Variants in RASGRP1 observed in about 807,000 individuals in gnomAD.
RASGRP1 encodes RAS guanyl releasing protein 1.
A neutral mutation model predicts 95.1 loss-of-function variants in RASGRP1; 37 were observed. That is an observed-to-expected ratio of 0.39 (90% CI 0.30 to 0.51). The LOEUF is 0.51. Among genes scored for constraint, RASGRP1 ranks in the 20% least tolerant of loss-of-function variants. The pLI, the probability that RASGRP1 is intolerant of heterozygous loss-of-function variation, is 0.80. For synonymous variants in RASGRP1, 325 were observed against 353.4 expected, an observed-to-expected ratio of 0.92 and a Z score of 0.90; for missense variants, 711 against 965.4, an observed-to-expected ratio of 0.74 and a Z score of 3.49.
chr15:38,497,805 G>A (rs145044601), intron 15 of RASGRP1, among the ~76,000 whole-genome samples: 3 of 152,274 alleles, frequency 2.0e-5, no homozygotes, highest in African/African-American at 7.2e-5. Flanking sequence ...GCATTTTAAT[G>A]TAAGTGAATT....
intron 1 of RASGRP1, 48 bp downstream of exon 1, chr15:38,564,546 C>A (rs1480329779): frequency 2.4e-5 from 32 of 1,331,632 alleles, no homozygotes; most frequent in Middle Eastern, 4.1e-4. Flanking sequence ...GCCTCTTTCC[C>A]AAGAAAGGAC....
At chr15:38,564,534 G>A (rs1566942548) in intron 1 of RASGRP1, 60 bp downstream of exon 1, 4 of 1,309,898 alleles carry the variant, frequency 3.1e-6, no homozygotes, top group South Asian at 2.4e-5. Context: ...CGACGGGCAG[G>A]GGCCTCTTTC....
chr15:38,503,138 C>T lies in RASGRP1; in HGVS notation c.1428+134G>A, dbSNP rs184499639. On this transcript the variant is annotated intron_variant, in intron 11 of 16. Coordinates refer to ENST00000310803, the MANE Select transcript of RASGRP1 (RefSeq NM_005739.4). ...TAACTTTTGAATTGTTCTAAAGCCA[C>T]AGTAAGAGAAGTAAGTGGTTCAAGT... The T allele has an allele frequency of 1.4e-4, 95 of 694,388 alleles. 2 individuals are homozygous for T. The East Asian group carries it at 2.5e-3, about 18-fold the overall frequency. The allele number at this position is 694,388 out of a possible 1,614,324, so 43.0% of individuals were successfully genotyped here.
At position 38,525,241 on chromosome 15, in the gene RASGRP1, T is replaced by G. The variant is rs143074681; in HGVS notation, c.326+1058A>C. Among the ~76,000 whole-genome samples, 6 of 152,310 alleles carry G rather than the reference T, an allele frequency of 3.9e-5. No homozygotes were observed. In the East Asian group the frequency reaches 1.2e-3, roughly 29 times the overall value. ...CTTTGGCCTTCCAAAGTGCTGGGAT[T>G]ACAGATGTGAGCTACTGTGCCCAGA... is the stretch of plus-strand genomic sequence containing the variant. On this transcript the variant is annotated intron_variant, in intron 3 of 16. Transcript: ENST00000310803.
rs117636385 is a variant in RASGRP1, at chr15:38,549,942, G to C, written c.220+9879C>G. Among the ~76,000 whole-genome samples the C allele has an allele frequency of 7.1e-3, 1,077 of 152,138 alleles. 7 individuals carry two copies. The highest frequency in any genetic ancestry group is 9.7e-3 in the Non-Finnish European group (662 of 68,008). ...GTGCTTCTGCTACGTATCTCACCCA[G>C]TTGCTAACTTAATATTCCCTTAGAA... is the stretch of plus-strand genomic sequence containing the variant. On this transcript the variant is annotated intron_variant, in intron 2 of 16. Coordinates refer to ENST00000310803, the MANE Select transcript of RASGRP1 (RefSeq NM_005739.4).
chr15:38,494,771 T>C lies in RASGRP1; in HGVS notation c.1874-4A>G. ...GTAAAAGGTCCTTCCTCAGGTGCTG[T>C]AGGAAGATACAGGACATGCTAGTAC... On this transcript the variant is annotated splice_polypyrimidine_tract_variant and splice_region_variant and intron_variant, in intron 15 of 16. Transcript: ENST00000310803. The C allele has an allele frequency of 1.3e-6, 2 of 1,489,578 alleles. No individual in the cohort carries two copies. Among genetic ancestry groups the C allele is most frequent in the Non-Finnish European group, 1.8e-6 (2 of 1,124,048 alleles). 92.3% of individuals were successfully genotyped at this position (1,489,578 alleles called of 1,614,324 possible).
chr15:38,506,536 G>A (rs572262586), intron 9 of RASGRP1, among the ~76,000 whole-genome samples: 1 of 151,246 alleles, frequency 6.6e-6, no homozygotes. Context: ...TCAGGAGGCT[G>A]AGGTGGGAGG....
chr15:38,558,941 T>C (rs1893689620), intron 2 of RASGRP1, among the ~76,000 whole-genome samples: 1 of 151,962 alleles, frequency 6.6e-6, no homozygotes, highest in Non-Finnish European at 1.5e-5. Context: ...TGGGGTAGGC[T>C]TGGGGGGGTT....
At chr15:38,514,105 A>C (rs1489959958) in intron 6 of RASGRP1, among the ~76,000 whole-genome samples, 2 of 146,134 alleles carry the variant, frequency 1.4e-5, no homozygotes, top group African/African-American at 2.5e-5. Flanking sequence ...AGCCACTGAG[A>C]TTGTACAGGA....
chr15:38,522,121 C>T (rs995481694), intron 3 of RASGRP1, among the ~76,000 whole-genome samples: 1 of 152,162 alleles, frequency 6.6e-6, no homozygotes, highest in Non-Finnish European at 1.5e-5. Flanking sequence ...AAACTAAGTT[C>T]TAGATACAAA....
chr15:38,520,566 C>T (rs1891962313), intron 3 of RASGRP1, among the ~76,000 whole-genome samples: 1 of 152,122 alleles, frequency 6.6e-6, no homozygotes, highest in Admixed American at 6.5e-5. Context: ...AAGTGCTTTA[C>T]ACTTGTGGTT....
chr15:38,502,320 G>T lies in RASGRP1; in HGVS notation c.1530C>A (p.Asp510Glu). Residue 510 changes from aspartate to glutamate, a missense_variant, in exon 12 of 17, where the codon GAC becomes GAA. By Grantham distance (45) the Asp-to-Glu change is conservative. Transcript: ENST00000310803. ...TAAGTACAAACCCTCACCTGTCTTT[G>T]TCCATCACACAGAAGGAAAATGGAA... Reference protein sequence around the residue: ...ASFPFSFCVMDKDREGLISRD... With the variant: ...ASFPFSFCVMEKDREGLISRD... The T allele has an allele frequency of 6.3e-7, 1 of 1,576,036 alleles. No individual in the cohort carries two copies. The highest frequency in any genetic ancestry group is 8.7e-7 in the Non-Finnish European group (1 of 1,145,726).
At chr15:38,544,344 A>G (rs1188042368) in intron 2 of RASGRP1, among the ~76,000 whole-genome samples, 1 of 152,188 alleles carries the variant, frequency 6.6e-6, no homozygotes, top group Non-Finnish European at 1.5e-5. Context: ...GCCACTCCAC[A>G]AATGCCAGCC....
At chr15:38,560,868 C>T (rs932944291) in intron 1 of RASGRP1, among the ~76,000 whole-genome samples, 2 of 152,176 alleles carry the variant, frequency 1.3e-5, no homozygotes, top group Admixed American at 1.3e-4. Flanking sequence ...GTCCAATGGA[C>T]TTTCATCTAC....
intron 2 of RASGRP1, among the ~76,000 whole-genome samples, chr15:38,539,967 A>AG (rs1892802363): frequency 6.6e-6 from 1 of 152,160 alleles, no homozygotes; most frequent in Admixed American, 6.6e-5. Flanking sequence ...CCCAGGCCGG[A>AG]GTGCAGTGGT....
chr15:38,531,203 A>C (rs1477861738), intron 2 of RASGRP1, among the ~76,000 whole-genome samples: 1 of 152,240 alleles, frequency 6.6e-6, no homozygotes, highest in Non-Finnish European at 1.5e-5. Context: ...CAAAGCATAG[A>C]GAGATTAGGT....
At chr15:38,546,215 A>G (rs890473879) in intron 2 of RASGRP1, among the ~76,000 whole-genome samples, 1 of 139,204 alleles carries the variant, frequency 7.2e-6, no homozygotes, top group Non-Finnish European at 1.5e-5. Flanking sequence ...TTATAACTTT[A>G]TTTATTTATT....
At chr15:38,515,780 C>T (rs906348756) in intron 6 of RASGRP1, among the ~76,000 whole-genome samples, 1 of 148,286 alleles carries the variant, frequency 6.7e-6, no homozygotes, top group African/African-American at 2.5e-5. Flanking sequence ...GCCCCCGCAC[C>T]CCCCCCCCTT....
chr15:38,507,333 G>A (rs1474940965), intron 9 of RASGRP1, among the ~76,000 whole-genome samples: 1 of 135,432 alleles, frequency 7.4e-6, no homozygotes, highest in Non-Finnish European at 1.6e-5. Context: ...TTTTTTGTTT[G>A]TTTTTTAAAT....
Sources: gnomAD v4.1 joint callset for allele counts (sites outside exome capture counted in the v4.1 genomes callset) on GRCh38, gnomAD v4.1.1 for gene constraint, MANE v1.5 for transcripts, NCBI Gene and HGNC (gene_info 2026-07-23, HGNC 2026-07-21) for gene names.